Variants in PYHIN1 observed in about 807,000 individuals in gnomAD.
PYHIN1 encodes the protein pyrin and HIN domain family member 1, also known as pyrin and HIN domain-containing protein 1.
PYHIN1 carries 32 observed loss-of-function variants against 43.7 expected under a neutral mutation model. The ratio of observed to expected loss-of-function variants is 0.73; its 90% CI spans 0.55 to 0.98. The LOEUF is 0.98. PYHIN1 is among the 50% of genes least tolerant of loss of function. The pLI is 0.00. For synonymous variants in PYHIN1, 205 were observed against 203.1 expected (o/e 1.01, Z -0.08); for missense variants, 588 against 589.5 (o/e 1.00, Z 0.03).
At chr1:158,932,731 C>A (rs1648236305) in intron 1 of PYHIN1, among the ~76,000 whole-genome samples, 1 of 152,074 alleles carries the variant, frequency 6.6e-6, no homozygotes, top group Non-Finnish European at 1.5e-5. Context: ...GTATGTTTAA[C>A]TTTTACATTA....
chr1:158,941,188 C>T (rs1312590114), intron 4 of PYHIN1, among the ~76,000 whole-genome samples: 1 of 152,178 alleles, frequency 6.6e-6, no homozygotes, highest in Admixed American at 6.5e-5. Flanking sequence ...AACAAACCTA[C>T]CTATTCCTCC....
chr1:158,945,066 C>G, intron 7 of PYHIN1, 24 bp downstream of exon 7: 1 of 1,586,522 alleles, frequency 6.3e-7, no homozygotes, highest in Non-Finnish European at 8.6e-7. Context: ...GGTCCCATGA[C>G]TCTTATCTCC....
chr1:158,952,941 G>A (rs1303622015), intron 7 of PYHIN1, among the ~76,000 whole-genome samples: 5 of 152,202 alleles, frequency 3.3e-5, no homozygotes, highest in Admixed American at 6.5e-5. Context: ...GCCTCACTTG[G>A]GAAGCACAAG....
intron 7 of PYHIN1, among the ~76,000 whole-genome samples, chr1:158,960,437 A>G (rs1650254385): frequency 6.6e-6 from 1 of 152,272 alleles, no homozygotes; most frequent in Admixed American, 6.5e-5. Context: ...TCTGCTGTAC[A>G]TGAACATCTG....
At chr1:158,981,816 G>A (rs1336773058), downstream of PYHIN1, among the ~76,000 whole-genome samples, 1 of 152,048 alleles carries the variant, frequency 6.6e-6, no homozygotes, top group Admixed American at 6.5e-5. Flanking sequence ...GTTATTTTTT[G>A]ACTTTTTAAT....
chr1:158,942,152 T>A lies in PYHIN1; in HGVS notation c.755T>A (p.Val252Glu). The change falls in exon 5 of 9, where the codon GTG becomes GAG. Residue 252 changes from valine (V) to glutamate (E), a missense_variant. Transcript: ENST00000368140. ...TVATQTQFFH[V>E]KVLNINLKRK... Reference sequence around the variant, plus strand: ...GCTACGCAGACACAGTTCTTTCATGTGAAGGTTTTAAACATCAACTTGAAG... The same window carrying A: ...GCTACGCAGACACAGTTCTTTCATGAGAAGGTTTTAAACATCAACTTGAAG... 6.2e-7 allele frequency: 1 copy of A among 1,614,148 alleles called. No individual in the cohort carries two copies. The highest frequency in any genetic ancestry group is 8.5e-7 in the Non-Finnish European group (1 of 1,180,002).
In PYHIN1 at chr1:158,939,251, C is replaced by T. The variant is rs762099353; in HGVS notation, c.579+4C>T. ...ACCCAACACTTCCTCAACTGAGGTA[C>T]ACTCTTCCTGGTCCCCTTTTGATTC... On this transcript the variant is annotated splice_donor_region_variant and intron_variant, in intron 4 of 8. Transcript: ENST00000368140. 1.6e-5 allele frequency: 26 copies of T among 1,593,696 alleles called. No homozygotes were observed. The highest frequency in any genetic ancestry group is 2.2e-5 in the Non-Finnish European group (26 of 1,169,778).
At chr1:158,982,171 C>T in the PYHIN1 span, among the ~76,000 whole-genome samples, 457 of 152,236 alleles carry the variant, frequency 3.0e-3, 5 homozygotes, top group African/African-American at 0.01. Flanking sequence ...GTTGTTGTTG[C>T]TACATTTGCT....
chr1:158,990,436 G>C, the PYHIN1 span, among the ~76,000 whole-genome samples: 724 of 151,934 alleles, frequency 4.8e-3, 3 homozygotes, highest in South Asian at 0.01. Flanking sequence ...ACAATATGAT[G>C]TTTTGAAGTA....
chr1:158,985,900 A>G, the PYHIN1 span, among the ~76,000 whole-genome samples: 4 of 152,196 alleles, frequency 2.6e-5, no homozygotes, highest in South Asian at 4.1e-4. Context: ...TGAAGAACTG[A>G]TCTTCAAGCT....
At chr1:158,985,338 G>A in the PYHIN1 span, among the ~76,000 whole-genome samples, 2 of 152,178 alleles carry the variant, frequency 1.3e-5, no homozygotes, top group Non-Finnish European at 2.9e-5. Flanking sequence ...CTCTTATAAG[G>A]CAGGCCTAAT....
At chr1:158,969,846 T>C (rs1260053325) in intron 7 of PYHIN1, among the ~76,000 whole-genome samples, 7 of 53,846 alleles carry the variant, frequency 1.3e-4, no homozygotes, top group Admixed American at 2.7e-4. Context: ...TATTCTGCTG[T>C]ACATAAACTC....
chr1:158,973,060 A>G (rs1651027515), intron 7 of PYHIN1, among the ~76,000 whole-genome samples: 1 of 152,060 alleles, frequency 6.6e-6, no homozygotes, highest in Admixed American at 6.6e-5. Context: ...TCAGCAGTGA[A>G]CAAGAAGTCA....
chr1:158,988,448 G>A, the PYHIN1 span, among the ~76,000 whole-genome samples: 3 of 152,178 alleles, frequency 2.0e-5, no homozygotes, highest in African/African-American at 7.2e-5. Context: ...GAGTCAAAGA[G>A]AAAGCCTCTA....
the PYHIN1 span, among the ~76,000 whole-genome samples, chr1:158,988,049 G>A: frequency 0.041 from 6,257 of 152,272 alleles, 345 homozygotes; most frequent in East Asian, 0.26. Context: ...AACCTACGGA[G>A]TAGGCACAGG....
intron 7 of PYHIN1, 71 bp from the exon 8 acceptor site, chr1:158,973,576 T>A: frequency 1.3e-6 from 2 of 1,527,526 alleles, no homozygotes; most frequent in South Asian, 2.3e-5. Flanking sequence ...TATAGGAAAA[T>A]ATTAAGCAGA....
intron 7 of PYHIN1, among the ~76,000 whole-genome samples, chr1:158,958,550 G>A (rs1276360024): frequency 2.8e-5 from 4 of 142,330 alleles, no homozygotes; most frequent in African/African-American, 1.1e-4. Flanking sequence ...GGTAGGAATT[G>A]AACAATGAGA....
the PYHIN1 span, among the ~76,000 whole-genome samples, chr1:158,984,028 G>GTTTTTTTT: frequency 1.9e-4 from 21 of 111,174 alleles, no homozygotes; most frequent in Non-Finnish European, 2.3e-4. Flanking sequence ...ATCTTCTCCT[G>GTTTTTTTT]TTTTTTTTTT....
intron 7 of PYHIN1, among the ~76,000 whole-genome samples, chr1:158,946,590 G>A (rs1649236128): frequency 6.8e-6 from 1 of 146,982 alleles, no homozygotes. Context: ...TAGATAGATA[G>A]ATGAAACATA....
Sources: gnomAD v4.1 joint callset for allele counts (sites outside exome capture counted in the v4.1 genomes callset) on GRCh38, gnomAD v4.1.1 for gene constraint, MANE v1.5 for transcripts, NCBI Gene and HGNC (gene_info 2026-07-23, HGNC 2026-07-21) for gene names.